HERC1: variants seen among roughly 807,000 people sequenced by gnomAD.
HERC1 encodes HECT and RLD domain containing E3 ubiquitin protein ligase family member 1.
In HERC1, 160 loss-of-function variants were observed where a neutral mutation model predicts 554.3. The ratio of observed to expected loss-of-function variants is 0.29; its 90% CI spans 0.25 to 0.33. The LOEUF is 0.33. Among genes scored for constraint, HERC1 ranks in the 10% least tolerant of loss-of-function variants. The pLI, the probability that HERC1 is intolerant of heterozygous loss-of-function variation, is 1.00. For synonymous variants in HERC1, 2,175 were observed against 2,131.7 expected (o/e 1.02, Z -0.56); for missense variants, 4,919 against 5,918.5 (o/e 0.83, Z 5.54).
intron 40 of HERC1, 143 bp downstream of exon 40, chr15:63,669,395 T>C (rs1050374266): frequency 1.3e-4 from 92 of 730,892 alleles, no homozygotes; most frequent in Non-Finnish European, 2.0e-4. Context: ...ATGAAGATCA[T>C]AGCTCAGTTT....
Position 63,630,568 on chromosome 15 carries a change from C to G in HERC1, c.12864G>C (p.Leu4288=), listed in dbSNP as rs772845435. ...CCACATCTTCTATGATTACTCCAGC[C>G]AGGACAGGGATTTGTTGCGGTCGAT... ...NHNRPQQIPV[L]AGVIIEDVAV... Residue 4288 remains leucine (L), a synonymous_variant, in exon 69 of 78, where the codon CTG becomes CTC. Coordinates refer to ENST00000443617, the MANE Select transcript of HERC1 (RefSeq NM_003922.4). The G allele has an allele frequency of 1.2e-6, 2 of 1,613,932 alleles. No homozygotes were observed. Among genetic ancestry groups the G allele is most frequent in the Non-Finnish European group, 1.7e-6 (2 of 1,179,900 alleles).
chr15:63,776,983 A>T (rs1336543078), intron 1 of HERC1, among the ~76,000 whole-genome samples: 1 of 152,214 alleles, frequency 6.6e-6, no homozygotes, highest in Non-Finnish European at 1.5e-5. Context: ...ATGCATTGAC[A>T]TATATTTTTT....
At chr15:63,763,598 G>A (rs1398335583) in intron 3 of HERC1, among the ~76,000 whole-genome samples, 1 of 150,542 alleles carries the variant, frequency 6.6e-6, no homozygotes, top group East Asian at 1.9e-4. Context: ...TTTTTAATGG[G>A]CAAGACTATA....
At chr15:63,660,392 G>T (rs1202744157) in intron 46 of HERC1, among the ~76,000 whole-genome samples, 1 of 152,134 alleles carries the variant, frequency 6.6e-6, no homozygotes, top group Non-Finnish European at 1.5e-5. Context: ...AAAGTCCAGT[G>T]ACCACATAAT....
chr15:63,820,691 T>G (rs2077659785), intron 1 of HERC1, among the ~76,000 whole-genome samples: 1 of 152,198 alleles, frequency 6.6e-6, no homozygotes, highest in Admixed American at 6.5e-5. Flanking sequence ...TATCCTTTTT[T>G]TTTTGCTTTT....
Position 63,810,636 on chromosome 15 carries a change from A to T in HERC1, c.-27+23191T>A, listed in dbSNP as rs185360024. Among the ~76,000 whole-genome samples the T allele has an allele frequency of 1.8e-3, 278 of 152,222 alleles. 1 individual carries two copies. The highest frequency in any genetic ancestry group is 6.3e-3 in the African/African-American group (261 of 41,560). On this transcript the variant is annotated intron_variant, in intron 1 of 77. Transcript: ENST00000443617. Reference sequence around the variant, plus strand: ...TTTGCATATATTGCTTCTTTTTTTTAATTTAAAAAAAGGGCAAAGATAGTT... The same window carrying T: ...TTTGCATATATTGCTTCTTTTTTTTTATTTAAAAAAAGGGCAAAGATAGTT...
At chr15:63,693,820 G>C (rs2072258397) in intron 30 of HERC1, 144 bp downstream of exon 30, 1 of 836,922 alleles carries the variant, frequency 1.2e-6, no homozygotes, top group South Asian at 1.9e-5. Flanking sequence ...ATATATACGT[G>C]AAGAGAAAAG....
chr15:63,616,467 A>C lies in HERC1; in HGVS notation c.13904T>G (p.Ile4635Ser). 1 of 1,613,948 alleles carries C rather than the reference A, an allele frequency of 6.2e-7. No homozygotes were observed. The highest frequency in any genetic ancestry group is 8.5e-7 in the Non-Finnish European group (1 of 1,179,850). The change falls in exon 75 of 78, where the codon ATT becomes AGT. Residue 4635 changes from isoleucine (I) to serine (S), a missense_variant. By Grantham distance (142) the Ile-to-Ser change is moderately radical (BLOSUM62 -2). Around this residue, in one of 11 missense-constraint regions of HERC1, gnomAD observed 284 missense variants for 294.1 expected, o/e 0.97. Coordinates refer to ENST00000443617, the MANE Select transcript of HERC1 (RefSeq NM_003922.4). ...CTCCTCGGTAATCCCACTGTCTTCA[A>C]TGTGAAGAATGCTGTTGAGAGTCTG... ...YVQTLNSILHIEDSGITEESF... is the reference protein window; with the variant it reads ...YVQTLNSILHSEDSGITEESF...
At chr15:63,643,591 A>C (rs2069175872) in intron 57 of HERC1, 41 bp from the exon 58 acceptor site, 1 of 1,426,960 alleles carries the variant, frequency 7.0e-7, no homozygotes, top group Admixed American at 2.2e-5. Flanking sequence ...AATAAAGATA[A>C]ATTATATAAG....
chr15:63,616,678 G>A lies in HERC1; in HGVS notation c.13693C>T (p.Leu4565Phe), dbSNP rs2067832178. Residue 4565 changes from leucine (L) to phenylalanine (F), a missense_variant, in exon 75 of 78, where the codon CTT becomes TTT. This residue lies in a region of HERC1 where 284 missense variants were observed against 294.1 expected (regional missense o/e 0.97). Transcript: ENST00000443617. ...TCGAGGCAGGCAGAAGGGTTAAAAA[G>A]GAACCTGTAAAATTAAAGGGAATAT... Reference protein sequence around the residue: ...AEVGYNRDRFLFNPSACLDEH... With the variant: ...AEVGYNRDRFFFNPSACLDEH... 2 of 1,612,486 alleles carry A rather than the reference G, an allele frequency of 1.2e-6. No homozygotes were observed. The highest frequency in any genetic ancestry group is 1.7e-6 in the Non-Finnish European group (2 of 1,179,358).
chr15:63,741,382 T>C (rs969477412), intron 12 of HERC1, among the ~76,000 whole-genome samples: 7 of 151,628 alleles, frequency 4.6e-5, no homozygotes, highest in African/African-American at 9.7e-5. Context: ...TGGAGTGCAA[T>C]GGTGTGATCT....
At chr15:63,816,909 G>A (rs1021087750) in intron 1 of HERC1, among the ~76,000 whole-genome samples, 1 of 152,018 alleles carries the variant, frequency 6.6e-6, no homozygotes. Context: ...ATCACAAAGA[G>A]ACATAAGACC....
chr15:63,617,476 C>T (rs962989109), intron 74 of HERC1, among the ~76,000 whole-genome samples: 5 of 152,166 alleles, frequency 3.3e-5, no homozygotes, highest in Non-Finnish European at 5.9e-5. Flanking sequence ...CATACGTGTG[C>T]ATGTGTCCTT....
chr15:63,699,772 G>C (rs1203388778), intron 25 of HERC1, among the ~76,000 whole-genome samples: 2 of 48,746 alleles, frequency 4.1e-5, no homozygotes, highest in Non-Finnish European at 1.3e-4. Flanking sequence ...CTTTACATTA[G>C]ACAGCAAAAT....
intron 34 of HERC1, 96 bp downstream of exon 34, chr15:63,686,263 G>T: frequency 3.5e-6 from 3 of 867,986 alleles, no homozygotes; most frequent in Non-Finnish European, 5.3e-6. Context: ...TACATATCAC[G>T]ATTTTTTTTC....
chr15:63,636,189 C>T, intron 64 of HERC1, 47 bp from the exon 65 acceptor site: 1 of 1,532,230 alleles, frequency 6.5e-7, no homozygotes, highest in Non-Finnish European at 8.9e-7. Flanking sequence ...TGTTAAAACT[C>T]TCCTCTTTAC....
Position 63,734,876 on chromosome 15 carries a change from G to A in HERC1, c.2521-27C>T. 6.3e-7 allele frequency: 1 copy of A among 1,594,546 alleles called. No individual in the cohort carries two copies. Among genetic ancestry groups the A allele is most frequent in the Non-Finnish European group, 8.6e-7 (1 of 1,169,334 alleles). On this transcript the variant is annotated intron_variant, in intron 12 of 77. Coordinates refer to ENST00000443617, the MANE Select transcript of HERC1 (RefSeq NM_003922.4). This position sits in a 1 kb window ranked among gnomAD's most constrained non-coding sequence, Gnocchi z 4.6. The stretch of plus-strand genomic sequence containing the variant: ...TAATATCAAAAGAGAAAAGTATACT[G>A]ATTGGCCTGGTTCTTAGTTTTTAAT...
At chr15:63,794,650 A>G (rs979796959) in intron 1 of HERC1, among the ~76,000 whole-genome samples, 2 of 152,132 alleles carry the variant, frequency 1.3e-5, no homozygotes, top group African/African-American at 4.8e-5. Flanking sequence ...GGAAGACCAA[A>G]TATATATTTT....
intron 1 of HERC1, among the ~76,000 whole-genome samples, chr15:63,829,472 T>C (rs142695284): frequency 3.5e-5 from 1 of 28,452 alleles, no homozygotes; most frequent in Non-Finnish European, 1.0e-4. Flanking sequence ...ACATATATGT[T>C]TATATAAATA....
Sources: gnomAD v4.1 joint callset for allele counts (sites outside exome capture counted in the v4.1 genomes callset) on GRCh38, gnomAD v4.1.1 for gene constraint, gnomAD v4.1.1 regional missense constraint, Gnocchi (gnomAD v3.1) non-coding constraint, MANE v1.5 for transcripts, NCBI Gene and HGNC (gene_info 2026-07-23, HGNC 2026-07-21) for gene names.